MICOS10: variants seen among roughly 807,000 people sequenced by gnomAD.
The protein encoded by MICOS10 is mitochondrial contact site and cristae organizing system subunit 10.
MICOS10 carries 5 observed loss-of-function variants against 13.4 expected under a neutral mutation model. The observed-to-expected ratio is 0.37, with a 90% confidence interval of 0.20 to 0.78. MICOS10 has a LOEUF of 0.78. Ranked by LOEUF, MICOS10 falls within the 30% of genes least tolerant of loss-of-function variation. The pLI, the probability that MICOS10 is intolerant of heterozygous loss-of-function variation, is 0.47. For synonymous variants in MICOS10, 35 were observed against 33.6 expected (o/e 1.04, Z -0.15); for missense variants, 101 against 94.6 (o/e 1.07, Z -0.28).
In MICOS10 at chr1:19,627,806, A is replaced by G. The variant is rs2094926741; in HGVS notation, c.*1405A>G. 1 of 152,276 alleles carries G rather than the reference A, an allele frequency of 6.6e-6. No individual in the cohort carries two copies. The highest frequency in any genetic ancestry group is 1.5e-5 in the Non-Finnish European group (1 of 68,080). The allele number at this position is 152,276 out of a possible 1,614,324, so 9.4% of individuals were successfully genotyped here. A position where few individuals can be genotyped will look rare whatever the true frequency, so the allele number is the denominator to read the frequency against. On this transcript the variant is annotated 3_prime_UTR_variant, in exon 4 of 4. Transcript: ENST00000322753. ...GTCTGACTCCAGTTCTGGAACATTGATTAGACCTTAGTTCTTGCAAGTGCT... is the reference window on the plus strand; with the variant it reads ...GTCTGACTCCAGTTCTGGAACATTGGTTAGACCTTAGTTCTTGCAAGTGCT...
chr1:19,629,203 G>C lies in MICOS10; in HGVS notation c.*2802G>C, dbSNP rs2094931055. ...AGAAATTCAAGTCCTCTGGGGCCCT[G>C]TTCCCTTGTGGGCTTGTGCAACTGA... On this transcript the variant is annotated 3_prime_UTR_variant, in exon 4 of 4. Coordinates refer to ENST00000322753, the MANE Select transcript of MICOS10 (RefSeq NM_001032363.4). 1 of 152,216 alleles carries C rather than the reference G, an allele frequency of 6.6e-6. No homozygotes were observed. 9.4% of individuals were successfully genotyped at this position (152,216 alleles called of 1,614,324 possible). A position where few individuals can be genotyped will look rare whatever the true frequency, so the allele number is the denominator to read the frequency against.
chr1:19,599,468 T>C (rs923821443), intron 1 of MICOS10, among the ~76,000 whole-genome samples: 3 of 152,166 alleles, frequency 2.0e-5, no homozygotes, highest in Admixed American at 6.5e-5. Context: ...CATATACATG[T>C]GGAGTAATTA....
intron 1 of MICOS10, among the ~76,000 whole-genome samples, chr1:19,597,315 C>T (rs1354461711): frequency 1.3e-5 from 2 of 152,122 alleles, no homozygotes; most frequent in African/African-American, 4.8e-5. Flanking sequence ...AGCAGCAGCC[C>T]GGGTGCGGGG....
intron 1 of MICOS10, among the ~76,000 whole-genome samples, chr1:19,609,675 A>G (rs1237608957): frequency 6.6e-6 from 1 of 152,252 alleles, no homozygotes; most frequent in Non-Finnish European, 1.5e-5. Context: ...ATTGTTATAT[A>G]AAACAACATG....
In MICOS10 at chr1:19,629,806, A is replaced by G. The variant is rs1287121637; in HGVS notation, c.*3405A>G. On this transcript the variant is annotated 3_prime_UTR_variant, in exon 4 of 4. Coordinates refer to ENST00000322753, the MANE Select transcript of MICOS10 (RefSeq NM_001032363.4). ...TTGAACCTGTCCAAATAAACTCTGC[A>G]AAGTATTTCCACAAGGATGTGACTC... The G allele has an allele frequency of 6.6e-6, 1 of 152,234 alleles. No individual in the cohort carries two copies. The highest frequency in any genetic ancestry group is 2.4e-5 in the African/African-American group (1 of 41,458). 9.4% of individuals were successfully genotyped at this position (152,234 alleles called of 1,614,324 possible). A position where few individuals can be genotyped will look rare whatever the true frequency, so the allele number is the denominator to read the frequency against.
chr1:19,623,396 A>C lies in MICOS10; in HGVS notation c.113-78A>C, dbSNP rs1290802244. The stretch of plus-strand genomic sequence containing the variant: ...GTTGAATATTTATTGAACCCTAAGT[A>C]AATGTATTTAAGAGGATGGGGAGCT... On this transcript the variant is annotated intron_variant, in intron 2 of 3. Coordinates refer to ENST00000322753, the MANE Select transcript of MICOS10 (RefSeq NM_001032363.4). 4 of 819,534 alleles carry C rather than the reference A, an allele frequency of 4.9e-6. No individual in the cohort carries two copies. The African/African-American group carries it at 6.9e-5, about 14-fold the overall frequency. The allele number at this position is 819,534 out of a possible 1,614,324, so 50.8% of individuals were successfully genotyped here.
In MICOS10 at chr1:19,626,530, A is replaced by T. The variant is rs1463154933; in HGVS notation, c.*129A>T. 1.0e-5 allele frequency: 10 copies of T among 969,244 alleles called. No individual in the cohort carries two copies. The highest frequency in any genetic ancestry group is 1.4e-5 in the Non-Finnish European group (9 of 629,122). 60.0% of individuals were successfully genotyped at this position (969,244 alleles called of 1,614,324 possible). Reference sequence around the variant, plus strand: ...TATCAGTAATGCTTTAAACTCCAGCACCTGGTTATGCATTTGAAACCAAGT... The same window carrying T: ...TATCAGTAATGCTTTAAACTCCAGCTCCTGGTTATGCATTTGAAACCAAGT... On this transcript the variant is annotated 3_prime_UTR_variant, in exon 4 of 4. Transcript: ENST00000322753.
chr1:19,601,147 C>G lies in MICOS10; in HGVS notation c.64+4038C>G, dbSNP rs558954064. The G allele has an allele frequency of 5.7e-5, 28 of 490,024 alleles. No individual in the cohort carries two copies. In the Admixed American group the frequency reaches 7.6e-4, roughly 13 times the overall value. 30.4% of individuals were successfully genotyped at this position (490,024 alleles called of 1,614,324 possible). ...TTAAGCCTGTACTTTAGGCAGTGGTCCTTTAAAAAAGTAATCTTCAAGGAT... is the reference window on the plus strand; with the variant it reads ...TTAAGCCTGTACTTTAGGCAGTGGTGCTTTAAAAAAGTAATCTTCAAGGAT... On this transcript the variant is annotated intron_variant, in intron 1 of 3. Transcript: ENST00000322753.
chr1:19,625,300 C>T (rs867046793), intron 3 of MICOS10: 1 of 1,186,976 alleles, frequency 8.4e-7, no homozygotes, highest in South Asian at 1.4e-5. Context: ...GGTACAAATG[C>T]ATGTCCTAAT....
At chr1:19,616,883 C>T (rs2094886350) in intron 1 of MICOS10, among the ~76,000 whole-genome samples, 1 of 152,162 alleles carries the variant, frequency 6.6e-6, no homozygotes, top group Non-Finnish European at 1.5e-5. Context: ...CCAAAGCACA[C>T]CCCCCATAAA....
intron 1 of MICOS10, among the ~76,000 whole-genome samples, chr1:19,607,418 C>G (rs778622345): frequency 3.9e-5 from 6 of 152,140 alleles, no homozygotes; most frequent in Non-Finnish European, 8.8e-5. Context: ...TTGGCAAGTG[C>G]ATTTCAGTAT....
chr1:19,609,029 G>A (rs912870744), intron 1 of MICOS10, among the ~76,000 whole-genome samples: 1 of 97,306 alleles, frequency 1.0e-5, no homozygotes, highest in Non-Finnish European at 1.9e-5. Flanking sequence ...TTTTTGAGAT[G>A]GGATCTCACT....
In MICOS10 at chr1:19,629,541, AAC is replaced by A. The variant is rs1241954470; in HGVS notation, c.*3145_*3146del. On this transcript the variant is annotated 3_prime_UTR_variant, in exon 4 of 4. Coordinates refer to ENST00000322753, the MANE Select transcript of MICOS10 (RefSeq NM_001032363.4). ...CCTTTGTTCTGAGAAATGGCCTCAG[AAC>A]ACACTGTTGAGCTGTCTCCTTTAGT... 7.9e-5 allele frequency: 12 copies of A among 152,340 alleles called. No individual in the cohort carries two copies. The highest frequency in any genetic ancestry group is 2.6e-4 in the African/African-American group (11 of 41,572). The allele number at this position is 152,340 out of a possible 1,614,324, so 9.4% of individuals were successfully genotyped here. A position where few individuals can be genotyped will look rare whatever the true frequency, so the allele number is the denominator to read the frequency against.
In MICOS10 at chr1:19,597,945, C is replaced by T. The variant is rs543362257; in HGVS notation, c.64+836C>T. ...GGGGTCAAGTCCCATGTTCCTTCTT[C>T]GATGCTAATTTTTGTTACCCAAATG... On this transcript the variant is annotated intron_variant, in intron 1 of 3. Transcript: ENST00000322753. The T allele has an allele frequency of 3.3e-5, 5 of 152,074 alleles. No homozygotes were observed. The South Asian group carries it at 1.0e-3, about 32-fold the overall frequency. 9.4% of individuals were successfully genotyped at this position (152,074 alleles called of 1,614,324 possible).
Position 19,622,920 on chromosome 1 carries a change from C to CCTTTTTTTTTTTTTTTTTT in MICOS10, c.113-554_113-553insCTTTTTTTTTTTTTTTTTT, listed in dbSNP as rs1553310371. On this transcript the variant is annotated intron_variant, in intron 2 of 3. Coordinates refer to ENST00000322753, the MANE Select transcript of MICOS10 (RefSeq NM_001032363.4). ...TATCTAGTGTTTTCATATTTTACTACTTTTTTTTTTTTTTTTTTTTGAAAC... is the reference window on the plus strand; with the variant it reads ...TATCTAGTGTTTTCATATTTTACTACCTTTTTTTTTTTTTTTTTTTTTTTTTTTTTTTTTTTTTTGAAAC... Among the ~76,000 whole-genome samples the CCTTTTTTTTTTTTTTTTTT allele has an allele frequency of 1.5e-5, 2 of 131,926 alleles. 1 individual carries two copies. The highest frequency in any genetic ancestry group is 5.7e-5 in the African/African-American group (2 of 34,928). The allele number at this position is 131,926 out of a possible 152,430, so 86.5% of individuals were successfully genotyped here. A position where few individuals can be genotyped will look rare whatever the true frequency, so the allele number is the denominator to read the frequency against.
At chr1:19,601,145 G>GT in intron 1 of MICOS10, 2 of 506,082 alleles carry the variant, frequency 4.0e-6, no homozygotes, top group South Asian at 3.7e-5. Flanking sequence ...TTAGGCAGTG[G>GT]TCCTTTAAAA....
intron 1 of MICOS10, among the ~76,000 whole-genome samples, chr1:19,606,924 T>C (rs1431516692): frequency 6.6e-6 from 1 of 152,240 alleles, no homozygotes; most frequent in African/African-American, 2.4e-5. Context: ...TGAATAGTCA[T>C]GGAAAAAGAA....
chr1:19,624,203 C>G (rs1329520089), intron 3 of MICOS10, among the ~76,000 whole-genome samples: 3 of 152,034 alleles, frequency 2.0e-5, no homozygotes, highest in African/African-American at 7.3e-5. Context: ...CGTGGTTCTG[C>G]TTTTTAATTG....
intron 1 of MICOS10, among the ~76,000 whole-genome samples, chr1:19,619,098 A>G (rs1180837710): frequency 6.6e-6 from 1 of 152,210 alleles, no homozygotes; most frequent in Non-Finnish European, 1.5e-5. Flanking sequence ...CCTATGATCT[A>G]TTATAGAAAT....
Sources: gnomAD v4.1 joint callset for allele counts (sites outside exome capture counted in the v4.1 genomes callset) on GRCh38, gnomAD v4.1.1 for gene constraint, MANE v1.5 for transcripts, NCBI Gene and HGNC (gene_info 2026-07-23, HGNC 2026-07-21) for gene names.